Variants in SEL1L observed in about 807,000 individuals in gnomAD.
The protein encoded by SEL1L is protein sel-1 homolog 1.
A neutral mutation model predicts 109.8 loss-of-function variants in SEL1L; 52 were observed. That is an observed-to-expected ratio of 0.47 (90% CI 0.38 to 0.60). SEL1L has a LOEUF of 0.60. Among genes scored for constraint, SEL1L ranks in the 20% least tolerant of loss-of-function variants. The probability of loss-of-function intolerance (pLI) is 0.00; values close to 1 mark genes in which losing one functional copy is unlikely to be tolerated. For synonymous variants in SEL1L, 373 were observed against 339.6 expected (o/e 1.10, Z -1.08); for missense variants, 749 against 962.2 (o/e 0.78, Z 2.93).
intron 3 of SEL1L, among the ~76,000 whole-genome samples, chr14:81,509,731 T>C (rs1222422187): frequency 1.3e-5 from 2 of 152,214 alleles, no homozygotes; most frequent in Non-Finnish European, 2.9e-5. Flanking sequence ...TATGGATTAA[T>C]ACAATCTCTT....
chr14:81,505,550 A>AAGAT (rs142816323), intron 4 of SEL1L, among the ~76,000 whole-genome samples: 8,917 of 152,136 alleles, frequency 0.059, 867 homozygotes, highest in African/African-American at 0.21. Context: ...GATTATGTTC[A>AAGAT]AGATTTTCTG....
intron 3 of SEL1L, among the ~76,000 whole-genome samples, chr14:81,508,781 A>G (rs535181291): frequency 5.1e-4 from 77 of 152,270 alleles, no homozygotes; most frequent in Non-Finnish European, 9.1e-4. Context: ...TAACACTTCT[A>G]TGATAATAGA....
intron 6 of SEL1L, among the ~76,000 whole-genome samples, chr14:81,502,238 T>A (rs1021965652): frequency 6.6e-6 from 1 of 152,190 alleles, no homozygotes; most frequent in Non-Finnish European, 1.5e-5. Context: ...AAGATATGCA[T>A]GCACACTAAT....
intron 10 of SEL1L, among the ~76,000 whole-genome samples, chr14:81,495,619 C>G (rs1279317396): frequency 6.6e-6 from 1 of 151,878 alleles, no homozygotes; most frequent in Non-Finnish European, 1.5e-5. Context: ...GCCTGGGCGA[C>G]AGAGAGAGAT....
chr14:81,504,449 T>C (rs1884147963), intron 4 of SEL1L, 143 bp from the exon 5 acceptor site: 3 of 483,684 alleles, frequency 6.2e-6, no homozygotes, highest in Non-Finnish European at 1.0e-5. Context: ...AACACTTAAG[T>C]GTGGCCTTTA....
rs753470397 is a variant in SEL1L at position 81,486,380 on chromosome 14, G to A, written c.1707C>T (p.Gly569=). The change falls in exon 17 of 21, where the codon GGC becomes GGT. Residue 569 remains glycine, a synonymous_variant. Transcript: ENST00000336735. Reference sequence around the variant, plus strand: ...ACTGGATCACTGCAGCATTGTAATCGCCATCTTTATAGCTGTTATAGGCAG... The same window carrying A: ...ACTGGATCACTGCAGCATTGTAATCACCATCTTTATAGCTGTTATAGGCAG... The part of the protein sequence containing the change: ...LMTAYNSYKD[G]DYNAAVIQYL... 8.7e-5 allele frequency: 141 copies of A among 1,613,868 alleles called. No individual in the cohort carries two copies. The highest frequency in any genetic ancestry group is 1.1e-4 in the Non-Finnish European group (126 of 1,179,978).
In SEL1L at chr14:81,486,285, T is replaced by C; in HGVS notation, c.1798+4A>G. 6.2e-7 allele frequency: 1 copy of C among 1,614,096 alleles called. No homozygotes were observed. Among genetic ancestry groups the C allele is most frequent in the Non-Finnish European group, 8.5e-7 (1 of 1,179,966 alleles). On this transcript the variant is annotated splice_donor_region_variant and intron_variant, in intron 17 of 20. Transcript: ENST00000336735. ...ACCTAAGGCAGGACTAAAATGAACCTTACTCTGATCAAGAATAAAGGCTGC... is the reference window on the plus strand; with the variant it reads ...ACCTAAGGCAGGACTAAAATGAACCCTACTCTGATCAAGAATAAAGGCTGC...
chr14:81,512,470 G>A (rs904268775), intron 3 of SEL1L, among the ~76,000 whole-genome samples: 2 of 152,186 alleles, frequency 1.3e-5, no homozygotes, highest in Admixed American at 6.5e-5. Flanking sequence ...TTCTCCTAGT[G>A]TCTTCTGAAA....
rs545924669 is a variant in SEL1L, at chr14:81,473,716, T to C, written c.*3256A>G. 1 of 152,306 alleles carries C rather than the reference T, an allele frequency of 6.6e-6. No homozygotes were observed. Among genetic ancestry groups the C allele is most frequent in the Non-Finnish European group, 1.5e-5 (1 of 68,012 alleles). The allele number at this position is 152,306 out of a possible 1,614,324, so 9.4% of individuals were successfully genotyped here. A position where few individuals can be genotyped will look rare whatever the true frequency, so the allele number is the denominator to read the frequency against. The stretch of plus-strand genomic sequence containing the variant: ...CATGTGAAATGTTAGTCCGAACCTC[T>C]GTAAAGGAAGTTTTTGCGTATGTAG... On this transcript the variant is annotated 3_prime_UTR_variant, in exon 21 of 21. Coordinates refer to ENST00000336735, the MANE Select transcript of SEL1L (RefSeq NM_005065.6).
chr14:81,522,676 C>T (rs1884965222), intron 3 of SEL1L, among the ~76,000 whole-genome samples: 1 of 152,086 alleles, frequency 6.6e-6, no homozygotes, highest in African/African-American at 2.4e-5. Flanking sequence ...CATGACTGTC[C>T]CTCAGTATCA....
chr14:81,477,377 ATG>A (rs1903198112), intron 20 of SEL1L, among the ~76,000 whole-genome samples, 196 bp from the exon 21 acceptor site: 1 of 151,336 alleles, frequency 6.6e-6, no homozygotes, highest in South Asian at 2.1e-4. Flanking sequence ...GCTCAAAATA[ATG>A]TGTCTGAGGA....
Position 81,499,502 on chromosome 14 carries a change from G to A in SEL1L, c.848C>T (p.Thr283Ile). The A allele has an allele frequency of 6.2e-7, 1 of 1,612,470 alleles. No individual in the cohort carries two copies. The highest frequency in any genetic ancestry group is 8.5e-7 in the Non-Finnish European group (1 of 1,179,518). The change falls in exon 8 of 21, where the codon ACA becomes ATA. Residue 283 changes from threonine to isoleucine, a missense_variant. Thr to Ile is a moderately conservative substitution (Grantham distance 89, BLOSUM62 -1). This residue lies in a region of SEL1L where 366 missense variants were observed against 399.8 expected (regional missense o/e 0.92). Transcript: ENST00000336735. Reference protein sequence around the residue: ...SSQAKALVYYTFGALGGNLIA... With the variant: ...SSQAKALVYYIFGALGGNLIA... ...TAGATTGCCCCCAAGAGCTCCAAAT[G>A]TATAATATACAAGAGCCTGTGAAAG...
chr14:81,494,064 A>C (rs1883645267), intron 11 of SEL1L, among the ~76,000 whole-genome samples: 1 of 152,128 alleles, frequency 6.6e-6, no homozygotes, highest in Admixed American at 6.5e-5. Flanking sequence ...CAACTCCTAA[A>C]TTTATATTTT....
chr14:81,510,634 CAT>C (rs1321677884), intron 3 of SEL1L, among the ~76,000 whole-genome samples: 2 of 151,818 alleles, frequency 1.3e-5, no homozygotes, highest in South Asian at 2.1e-4. Context: ...TACAGATAAA[CAT>C]AATTTAGCTT....
At position 81,495,072 on chromosome 14, in the gene SEL1L, G is replaced by A; in HGVS notation, c.1185+9C>T. On this transcript the variant is annotated intron_variant, in intron 11 of 20. Coordinates refer to ENST00000336735, the MANE Select transcript of SEL1L (RefSeq NM_005065.6). Reference sequence around the variant, plus strand: ...CTGAGATGCAAAGCCCTAGGAACAGGGTAGTTACCTGATGATTCTGTTCTA... The same window carrying A: ...CTGAGATGCAAAGCCCTAGGAACAGAGTAGTTACCTGATGATTCTGTTCTA... 1 of 1,613,100 alleles carries A rather than the reference G, an allele frequency of 6.2e-7. No individual in the cohort carries two copies. The highest frequency in any genetic ancestry group is 1.3e-5 in the African/African-American group (1 of 75,006).
intron 14 of SEL1L, chr14:81,488,730 G>A (rs997347096): frequency 6.5e-6 from 1 of 153,030 alleles, no homozygotes; most frequent in African/African-American, 2.4e-5. Context: ...ACATTTAGGA[G>A]GTTACTGGTG....
At chr14:81,528,863 G>A (rs1381601906) in intron 1 of SEL1L, among the ~76,000 whole-genome samples, 2 of 152,094 alleles carry the variant, frequency 1.3e-5, no homozygotes, top group African/African-American at 2.4e-5. Flanking sequence ...CAAAAAACCT[G>A]TGTTAGAGTT....
chr14:81,492,577 T>A (rs1883587632), intron 11 of SEL1L, 29 bp from the exon 12 acceptor site: 3 of 1,466,132 alleles, frequency 2.0e-6, no homozygotes, highest in Admixed American at 2.0e-5. Context: ...TTAAAATAAT[T>A]AGTTTTTAAC....
intron 2 of SEL1L, 145 bp downstream of exon 2, chr14:81,527,556 T>C (rs1885161795): frequency 3.8e-6 from 2 of 528,290 alleles, no homozygotes; most frequent in Non-Finnish European, 6.5e-6. Context: ...AAACTAGAAC[T>C]AATACTAATA....
Sources: allele counts gnomAD v4.1 joint callset (sites outside exome capture counted in the v4.1 genomes callset), GRCh38; gene constraint gnomAD v4.1.1; regional missense constraint gnomAD v4.1.1; transcripts MANE v1.5; gene names NCBI Gene and HGNC (gene_info 2026-07-23, HGNC 2026-07-21).